The following ASB13 variants were observed in gnomAD, a reference collection of about 807,000 sequenced individuals.
The protein encoded by ASB13 is ankyrin repeat and SOCS box protein 13.
Under a neutral mutation model 28.8 loss-of-function variants are expected in ASB13, and 33 were observed. That is an observed-to-expected ratio of 1.15 (90% CI 0.87 to 1.53). The LOEUF is 1.53. ASB13 is among the 40% of genes most tolerant of loss of function. The pLI, the probability that ASB13 is intolerant of heterozygous loss-of-function variation, is 0.00. For synonymous variants in ASB13, 182 were observed against 172.9 expected, an observed-to-expected ratio of 1.05 and a Z score of -0.41; for missense variants, 414 against 390.1, an observed-to-expected ratio of 1.06 and a Z score of -0.52.
chr10:5,651,002 ACC>A lies in ASB13; in HGVS notation c.382+209_382+210del, dbSNP rs1045019019. Among the ~76,000 whole-genome samples the A allele has an allele frequency of 4.0e-5, 6 of 151,864 alleles. No individual in the cohort carries two copies. The highest frequency in any genetic ancestry group is 1.5e-5 in the Non-Finnish European group (1 of 67,962). On this transcript the variant is annotated intron_variant, in intron 3 of 5. Coordinates refer to ENST00000357700, the MANE Select transcript of ASB13 (RefSeq NM_024701.4). The surrounding 1 kb of genome is among the most constrained non-coding windows in gnomAD (Gnocchi z 5.1). ...ACAGAATCCTACCCTAGAGTCACCC[ACC>A]CCAGCCCTGGACGAAGACCTCAAGA... is the stretch of plus-strand genomic sequence containing the variant.
chr10:5,659,894 T>C lies in ASB13; in HGVS notation c.43+6615A>G, dbSNP rs1420056487. 6.6e-6 allele frequency among the ~76,000 whole-genome samples: 1 copy of C among 152,226 alleles called. No individual in the cohort carries two copies. The highest frequency in any genetic ancestry group is 1.5e-5 in the Non-Finnish European group (1 of 68,032). ...CGCTAGGTTCTGTCCCCTGCTCCAC[T>C]TTCCAGCCCAGGACAGTGGCCTGAG... is the stretch of plus-strand genomic sequence containing the variant. On this transcript the variant is annotated intron_variant, in intron 1 of 5. Transcript: ENST00000357700. The surrounding 1 kb of genome is among the most constrained non-coding windows in gnomAD (Gnocchi z 5.8).
chr10:5,648,609 C>A (rs949544678), intron 4 of ASB13, among the ~76,000 whole-genome samples: 6 of 150,312 alleles, frequency 4.0e-5, no homozygotes, highest in Admixed American at 1.3e-4. Context: ...CGGGTAAACA[C>A]CCACGGGGGT....
intron 4 of ASB13, among the ~76,000 whole-genome samples, chr10:5,647,805 T>C (rs1464180540): frequency 6.6e-6 from 1 of 152,178 alleles, no homozygotes; most frequent in Non-Finnish European, 1.5e-5. Context: ...CCAACCCTGG[T>C]CCCTCTGACT....
chr10:5,662,572 A>AGAAGAGAAGAGAAGAGAAGG (rs1835188839), intron 1 of ASB13, among the ~76,000 whole-genome samples: 2 of 82,780 alleles, frequency 2.4e-5, no homozygotes, highest in African/African-American at 4.2e-5. Flanking sequence ...AGGGGAGAAG[A>AGAAGAGAAGAGAAGAGAAGG]GAAGAGAAGA....
rs948111884 is a variant in ASB13, at chr10:5,645,871, C to T, written c.517+3099G>A. On this transcript the variant is annotated intron_variant, in intron 4 of 5. Transcript: ENST00000357700. This position sits in a 1 kb window ranked among gnomAD's most constrained non-coding sequence, Gnocchi z 5.4. The stretch of plus-strand genomic sequence containing the variant: ...CTTTTTAAAAATCTGTTTGTGAGGA[C>T]GTAGGGGATGCTGTTGTTTCTCTCT... Among the ~76,000 whole-genome samples the T allele has an allele frequency of 2.0e-5, 3 of 152,132 alleles. No individual in the cohort carries two copies. Among genetic ancestry groups the T allele is most frequent in the Non-Finnish European group, 4.4e-5 (3 of 68,024 alleles).
chr10:5,663,660 C>T lies in ASB13; in HGVS notation c.43+2849G>A, dbSNP rs34759658. ...GCAATGTCTCCCAGGGCTGCCGAGT[C>T]GAGGAGGAGGATAGAGGTACTGTTT... On this transcript the variant is annotated intron_variant, in intron 1 of 5. Coordinates refer to ENST00000357700, the MANE Select transcript of ASB13 (RefSeq NM_024701.4). The surrounding 1 kb of genome is among the most constrained non-coding windows in gnomAD (Gnocchi z 4.9). 1.9e-3 allele frequency among the ~76,000 whole-genome samples: 284 copies of T among 152,268 alleles called. 1 individual carries two copies. Among genetic ancestry groups the T allele is most frequent in the Non-Finnish European group, 3.1e-3 (213 of 68,004 alleles).
rs898757477 is a variant in ASB13, at chr10:5,658,627, G to T, written c.44-5577C>A. Among the ~76,000 whole-genome samples, 3 of 152,246 alleles carry T rather than the reference G, an allele frequency of 2.0e-5. No homozygotes were observed. The highest frequency in any genetic ancestry group is 3.4e-3 in the Middle Eastern group (1 of 294). On this transcript the variant is annotated intron_variant, in intron 1 of 5. Transcript: ENST00000357700. This position sits in a 1 kb window ranked among gnomAD's most constrained non-coding sequence, Gnocchi z 4.2. The stretch of plus-strand genomic sequence containing the variant: ...TTTTACAGGATGAAAAAGTTCTAGA[G>T]ATCTGTTACACAAAAATGTAAATGT...
At position 5,655,125 on chromosome 10, in the gene ASB13, G is replaced by C. The variant is rs1835052004; in HGVS notation, c.44-2075C>G. 6.6e-6 allele frequency among the ~76,000 whole-genome samples: 1 copy of C among 151,562 alleles called. No homozygotes were observed. ...CTTTAAAAAAAAAAAAAAAGTGTCT[G>C]CATCGAATTTCCTCTGCAGGTGGGT... is the stretch of plus-strand genomic sequence containing the variant. On this transcript the variant is annotated intron_variant, in intron 1 of 5. Transcript: ENST00000357700. This position sits in a 1 kb window ranked among gnomAD's most constrained non-coding sequence, Gnocchi z 6.2.
Position 5,640,361 on chromosome 10 carries a change from C to A in ASB13, c.*342G>T. ...GCCCTCAGTCCCCAGCTCTGCCAGC[C>A]TCCTCTGTGCTCCCCACGCCGTCTG... is the stretch of plus-strand genomic sequence containing the variant. On this transcript the variant is annotated 3_prime_UTR_variant, in exon 6 of 6. Transcript: ENST00000357700. The A allele has an allele frequency of 5.1e-6, 1 of 195,140 alleles. No homozygotes were observed. Among genetic ancestry groups the A allele is most frequent in the Non-Finnish European group, 1.1e-5 (1 of 94,360 alleles). The allele number at this position is 195,140 out of a possible 1,614,324, so 12.1% of individuals were successfully genotyped here.
At chr10:5,666,366 C>T in intron 1 of ASB13, 143 bp downstream of exon 1, 2 of 571,224 alleles carry the variant, frequency 3.5e-6, no homozygotes, top group South Asian at 6.7e-5. Flanking sequence ...GCTTTCACCG[C>T]GGCCCACCCC....
chr10:5,651,195 A>G lies in ASB13; in HGVS notation c.382+18T>C. The G allele has an allele frequency of 1.3e-6, 2 of 1,591,014 alleles. No individual in the cohort carries two copies. The highest frequency in any genetic ancestry group is 1.7e-6 in the Non-Finnish European group (2 of 1,167,550). On this transcript the variant is annotated intron_variant, in intron 3 of 5. Transcript: ENST00000357700. The surrounding 1 kb of genome is among the most constrained non-coding windows in gnomAD (Gnocchi z 5.1). ...TTCCAGAGCCCAGCTGGGCCAGCCCAGCCGTCTGCCAACTCACCGCTCATG... is the reference window on the plus strand; with the variant it reads ...TTCCAGAGCCCAGCTGGGCCAGCCCGGCCGTCTGCCAACTCACCGCTCATG...
chr10:5,654,397 A>C (rs1448013354), intron 1 of ASB13, among the ~76,000 whole-genome samples: 1 of 152,116 alleles, frequency 6.6e-6, no homozygotes, highest in Non-Finnish European at 1.5e-5. Flanking sequence ...CAGGAATGGC[A>C]AAGCCGGGAA....
chr10:5,640,233 G>A lies in ASB13; in HGVS notation c.*470C>T, dbSNP rs1234466920. The A allele has an allele frequency of 4.5e-5, 7 of 156,490 alleles. No individual in the cohort carries two copies. Among genetic ancestry groups the A allele is most frequent in the Admixed American group, 3.7e-4 (6 of 16,012 alleles). The allele number at this position is 156,490 out of a possible 1,614,324, so 9.7% of individuals were successfully genotyped here. A position where few individuals can be genotyped will look rare whatever the true frequency, so the allele number is the denominator to read the frequency against. ...TTCCGTGGGCCCAGCCATTCCCTAT[G>A]AGCACCGAGGGCAGTCCTGGTGCCG... On this transcript the variant is annotated 3_prime_UTR_variant, in exon 6 of 6. Transcript: ENST00000357700.
intron 4 of ASB13, among the ~76,000 whole-genome samples, chr10:5,647,813 A>T (rs767173141): frequency 3.3e-5 from 5 of 151,870 alleles, no homozygotes; most frequent in Admixed American, 6.6e-5. Flanking sequence ...GGTCCCTCTG[A>T]CTCCTCTACC....
chr10:5,651,238 G>C lies in ASB13; in HGVS notation c.357C>G (p.Ser119=). The C allele has an allele frequency of 6.2e-7, 1 of 1,613,186 alleles. No individual in the cohort carries two copies. The highest frequency in any genetic ancestry group is 8.5e-7 in the Non-Finnish European group (1 of 1,179,506). ...CGCTCATGCAGGCCTCGTGCAGGGGGGACGCTGTGTACAGGGGAGGGTTGA... is the reference window on the plus strand; with the variant it reads ...CGCTCATGCAGGCCTCGTGCAGGGGCGACGCTGTGTACAGGGGAGGGTTGA... The part of the protein sequence containing the change: ...AKVNPPLYTA[S]PLHEACMSGS... The change falls in exon 3 of 6, where the codon TCC becomes TCG. Residue 119 remains serine, a synonymous_variant. Transcript: ENST00000357700. The surrounding 1 kb of genome is among the most constrained non-coding windows in gnomAD (Gnocchi z 5.1).
At chr10:5,646,272 C>T (rs969429600) in intron 4 of ASB13, among the ~76,000 whole-genome samples, 1 of 152,214 alleles carries the variant, frequency 6.6e-6, no homozygotes, top group African/African-American at 2.4e-5. Flanking sequence ...CTGACTTCAG[C>T]TCCAGCGTGG....
chr10:5,651,621 C>G lies in ASB13; in HGVS notation c.232-258G>C, dbSNP rs964505089. The G allele has an allele frequency of 2.1e-5, 9 of 438,382 alleles. No individual in the cohort carries two copies. Among genetic ancestry groups the G allele is most frequent in the Middle Eastern group, 6.1e-4 (1 of 1,650 alleles). The allele number at this position is 438,382 out of a possible 1,614,324, so 27.2% of individuals were successfully genotyped here. On this transcript the variant is annotated intron_variant, in intron 2 of 5. Transcript: ENST00000357700. This position sits in a 1 kb window ranked among gnomAD's most constrained non-coding sequence, Gnocchi z 5.1. The stretch of plus-strand genomic sequence containing the variant: ...AGCTCAGCAGCCCCCTCGCCACCCC[C>G]GCCCCAAACACCTAGTAAGCACAGA...
intron 1 of ASB13, among the ~76,000 whole-genome samples, chr10:5,662,509 G>C (rs1392508602): frequency 8.3e-6 from 1 of 120,818 alleles, no homozygotes; most frequent in Non-Finnish European, 1.7e-5. Context: ...CAGCCTGGGC[G>C]ACAGACTGAG....
intron 1 of ASB13, 24 bp downstream of exon 1, chr10:5,666,485 G>T: frequency 7.7e-7 from 1 of 1,294,692 alleles, no homozygotes; most frequent in Non-Finnish European, 9.8e-7. Flanking sequence ...GCCTCGCTCT[G>T]ACCTCCGCGG....
Sources: gnomAD v4.1 joint callset for allele counts (sites outside exome capture counted in the v4.1 genomes callset) on GRCh38, gnomAD v4.1.1 for gene constraint, Gnocchi (gnomAD v3.1) non-coding constraint, MANE v1.5 for transcripts, NCBI Gene and HGNC (gene_info 2026-07-23, HGNC 2026-07-21) for gene names.